HTT: variants seen among roughly 807,000 people sequenced by gnomAD.
HTT encodes the protein huntington disease protein.
HTT carries 104 observed loss-of-function variants against 362.3 expected under a neutral mutation model. The observed-to-expected ratio is 0.29, with a 90% confidence interval of 0.24 to 0.34. The LOEUF is 0.34. Ranked by LOEUF, HTT falls within the 10% of genes least tolerant of loss-of-function variation. The pLI is 1.00. For missense variants in HTT, 3,301 were observed against 3,928.6 expected, an observed-to-expected ratio of 0.84 and a Z score of 4.27; for synonymous variants, 1,577 against 1,548.7, an observed-to-expected ratio of 1.02 and a Z score of -0.43.
At position 3,103,826 on chromosome 4, in the gene HTT, T is replaced by G; in HGVS notation, c.471T>G (p.Ala157=). ...AAATCTCTTGTGATTTGTTGTAGGC[T>G]TTGATGGATTCTAATCTTCCAAGGT... ...ADECLNKVIK[A]LMDSNLPRLQ... is the part of the protein sequence containing the mutation. The change falls in exon 4 of 67, where the codon GCT becomes GCG. Residue 157 remains alanine (A), a splice_region_variant and synonymous_variant. Coordinates refer to ENST00000355072, the MANE Select transcript of HTT (RefSeq NM_001388492.1). 6.3e-7 allele frequency: 1 copy of G among 1,592,260 alleles called. No homozygotes were observed. The highest frequency in any genetic ancestry group is 1.1e-5 in the South Asian group (1 of 89,928).
rs780506249 is a variant in HTT at position 3,199,958 on chromosome 4, A to C, written c.5576+19A>C. On this transcript the variant is annotated intron_variant, in intron 41 of 66. Coordinates refer to ENST00000355072, the MANE Select transcript of HTT (RefSeq NM_001388492.1). Reference sequence around the variant, plus strand: ...CCCCGAAGTAGGTTCATAATGCCCCACAGCCCAGGGCGCCAGCCCAGCACC... The same window carrying C: ...CCCCGAAGTAGGTTCATAATGCCCCCCAGCCCAGGGCGCCAGCCCAGCACC... 167 of 1,599,092 alleles carry C rather than the reference A, an allele frequency of 1.0e-4. No homozygotes were observed. Among genetic ancestry groups the C allele is most frequent in the Non-Finnish European group, 1.4e-4 (161 of 1,171,564 alleles).
At chr4:3,093,860 CTT>C (rs1179450975) in intron 2 of HTT, among the ~76,000 whole-genome samples, 9 of 73,340 alleles carry the variant, frequency 1.2e-4, no homozygotes, top group African/African-American at 1.5e-4. Context: ...CTGCCAATTC[CTT>C]TTTTTTTTTT....
intron 37 of HTT, among the ~76,000 whole-genome samples, chr4:3,186,381 A>G (rs192675436): frequency 2.0e-5 from 3 of 152,332 alleles, no homozygotes; most frequent in Non-Finnish European, 1.5e-5. Flanking sequence ...ATAAAAATCT[A>G]AATGACAAGA....
In HTT at chr4:3,148,199, G is replaced by T. The variant is rs772789582; in HGVS notation, c.3490G>T (p.Ala1164Ser). The change falls in exon 26 of 67, where the codon GCA (alanine) becomes TCA (serine). Residue 1164 changes from alanine to serine, a missense_variant. Ala to Ser is a moderately conservative substitution (Grantham distance 99). Coordinates refer to ENST00000355072, the MANE Select transcript of HTT (RefSeq NM_001388492.1). ...CCTGGATGACGTGGCTCCTGGACCC[G>T]CAATAAAGGTAATGTCCCACTTGGG... is the stretch of plus-strand genomic sequence containing the variant. ...HVLDDVAPGPAIKAALPSLTN... is the reference protein window; with the variant it reads ...HVLDDVAPGPSIKAALPSLTN... The T allele has an allele frequency of 2.5e-6, 4 of 1,570,590 alleles. No homozygotes were observed. The highest frequency in any genetic ancestry group is 1.9e-5 in the Admixed American group (1 of 52,516).
intron 6 of HTT, among the ~76,000 whole-genome samples, chr4:3,109,623 T>C (rs1356573539): frequency 6.6e-6 from 1 of 152,232 alleles, no homozygotes; most frequent in Non-Finnish European, 1.5e-5. Flanking sequence ...ATTCAGTGTG[T>C]ACGTTATTAT....
chr4:3,141,013 A>AT lies in HTT; in HGVS notation c.2945+363dup, dbSNP rs199579025. ...GGATTGTATTCTATCATGCCTGTTG[A>AT]TTTTTTGGTGAGCGGGCTATTAAAG... On this transcript the variant is annotated intron_variant, in intron 22 of 66. Coordinates refer to ENST00000355072, the MANE Select transcript of HTT (RefSeq NM_001388492.1). 4.8e-3 allele frequency among the ~76,000 whole-genome samples: 727 copies of AT among 152,244 alleles called. 4 individuals carry two copies. Among genetic ancestry groups the AT allele is most frequent in the Non-Finnish European group, 7.9e-3 (536 of 68,006 alleles).
intron 29 of HTT, among the ~76,000 whole-genome samples, chr4:3,166,881 C>A (rs1717740863): frequency 6.6e-6 from 1 of 152,268 alleles, no homozygotes; most frequent in Admixed American, 6.5e-5. Flanking sequence ...AGTCCCCCGA[C>A]CCCTTGTGCT....
intron 1 of HTT, among the ~76,000 whole-genome samples, chr4:3,075,684 A>T (rs1455087178): frequency 2.4e-5 from 3 of 122,536 alleles, no homozygotes; most frequent in Admixed American, 7.7e-5. Flanking sequence ...GTCCAATGGG[A>T]GATTTCTTTT....
intron 18 of HTT, 88 bp downstream of exon 18, chr4:3,132,999 T>C (rs363078): frequency 0.059 from 58,719 of 993,222 alleles, 2,213 homozygotes; most frequent in African/African-American, 0.15. Context: ...ATAGGAAATA[T>C]TTCCATGCAC....
chr4:3,107,656 A>T (rs1204056151), intron 6 of HTT, among the ~76,000 whole-genome samples: 3 of 152,152 alleles, frequency 2.0e-5, no homozygotes, highest in Admixed American at 6.5e-5. Context: ...TCTAGATGCA[A>T]ATTGAAAAGG....
At chr4:3,144,997 A>G (rs958930628) in intron 23 of HTT, among the ~76,000 whole-genome samples, 155 bp from the exon 24 acceptor site, 2 of 152,234 alleles carry the variant, frequency 1.3e-5, no homozygotes, top group African/African-American at 4.8e-5. Context: ...TAAAGTAGGA[A>G]GTTGTACCAT....
chr4:3,092,232 C>T (rs2110147460), intron 2 of HTT, among the ~76,000 whole-genome samples: 1 of 152,186 alleles, frequency 6.6e-6, no homozygotes, highest in Non-Finnish European at 1.5e-5. Context: ...CTGTGTTGGC[C>T]AGACTGGTCT....
chr4:3,234,586 G>A (rs551495041), intron 61 of HTT, among the ~76,000 whole-genome samples: 1 of 152,374 alleles, frequency 6.6e-6, no homozygotes, highest in African/African-American at 2.4e-5. Context: ...GAGGACTCAG[G>A]GAAGGAGAGT....
chr4:3,187,185 T>C (rs1718806317), intron 38 of HTT, among the ~76,000 whole-genome samples: 1 of 151,034 alleles, frequency 6.6e-6, no homozygotes. Flanking sequence ...AGATGGAGCC[T>C]TGCTCTGTCA....
At chr4:3,150,634 G>A (rs1015139921) in intron 26 of HTT, among the ~76,000 whole-genome samples, 1 of 152,124 alleles carries the variant, frequency 6.6e-6, no homozygotes, top group Non-Finnish European at 1.5e-5. Flanking sequence ...CAAGTCTTTT[G>A]TTTCCCCTAC....
At chr4:3,140,742 A>T (rs1716305503) in intron 22 of HTT, 86 bp downstream of exon 22, 2 of 1,328,874 alleles carry the variant, frequency 1.5e-6, no homozygotes, top group Non-Finnish European at 1.0e-6. Context: ...AAAACATTTT[A>T]TTTTCTAGAA....
chr4:3,096,281 G>C (rs1365092157), intron 2 of HTT, among the ~76,000 whole-genome samples: 1 of 152,218 alleles, frequency 6.6e-6, no homozygotes, highest in Non-Finnish European at 1.5e-5. Flanking sequence ...CAGTGATAGA[G>C]ATTTCAGTAG....
At chr4:3,225,624 C>T in intron 56 of HTT, 37 bp from the exon 57 acceptor site, 2 of 1,592,908 alleles carry the variant, frequency 1.3e-6, no homozygotes, top group Non-Finnish European at 1.7e-6. Context: ...CCCTGCCCCC[C>T]TGTGCAGATC....
chr4:3,171,193 T>G (rs1487223700), intron 29 of HTT, among the ~76,000 whole-genome samples: 1 of 152,206 alleles, frequency 6.6e-6, no homozygotes, highest in Non-Finnish European at 1.5e-5. Context: ...CCTTAAACAC[T>G]TAGAATATAC....
Sources: allele counts gnomAD v4.1 joint callset (sites outside exome capture counted in the v4.1 genomes callset), GRCh38; gene constraint gnomAD v4.1.1; transcripts MANE v1.5; gene names NCBI Gene and HGNC (gene_info 2026-07-23, HGNC 2026-07-21).